Variants in PLCB1 observed in about 807,000 individuals in gnomAD.
PLCB1 encodes phospholipase C beta 1.
Under a neutral mutation model 161.8 loss-of-function variants are expected in PLCB1, and 46 were observed. The ratio of observed to expected loss-of-function variants is 0.28; its 90% CI spans 0.22 to 0.36. PLCB1 has a LOEUF of 0.36. PLCB1 is among the 10% of genes least tolerant of loss of function. PLCB1 has a pLI of 1.00. For synonymous variants in PLCB1, 517 were observed against 503.7 expected (o/e 1.03, Z -0.35); for missense variants, 1,016 against 1,472.5 (o/e 0.69, Z 5.07).
intron 4 of PLCB1, 50 bp from the exon 5 acceptor site, chr20:8,646,051 TA>T (rs758235993): frequency 2.9e-5 from 34 of 1,186,212 alleles, no homozygotes; most frequent in Non-Finnish European, 4.3e-5. Flanking sequence ...AGCATGTGTC[TA>T]ATGACTGTGC....
chr20:8,595,663 G>A (rs1441600589), intron 3 of PLCB1, among the ~76,000 whole-genome samples: 1 of 150,462 alleles, frequency 6.6e-6, no homozygotes, highest in African/African-American at 2.4e-5. Context: ...CTAGATCCCT[G>A]AGGAGTCGCC....
chr20:8,685,843 A>G (rs1425033804), intron 10 of PLCB1, among the ~76,000 whole-genome samples: 1 of 152,210 alleles, frequency 6.6e-6, no homozygotes. Flanking sequence ...TTTATTGTAA[A>G]TATTATAATA....
chr20:8,626,462 T>G (rs1458357335), intron 3 of PLCB1, among the ~76,000 whole-genome samples: 2 of 152,108 alleles, frequency 1.3e-5, no homozygotes, highest in Non-Finnish European at 2.9e-5. Flanking sequence ...TTTATCAAGT[T>G]TTGAGCAAAA....
intron 4 of PLCB1, among the ~76,000 whole-genome samples, chr20:8,636,937 A>G (rs537535420): frequency 3.4e-4 from 52 of 151,136 alleles, no homozygotes; most frequent in Admixed American, 2.8e-3. Flanking sequence ...TCTTCTGCAT[A>G]CCTCCATCTG....
At chr20:8,735,539 A>G (rs1282141185) in intron 19 of PLCB1, among the ~76,000 whole-genome samples, 1 of 152,220 alleles carries the variant, frequency 6.6e-6, no homozygotes, top group Non-Finnish European at 1.5e-5. Flanking sequence ...CATAGATTTT[A>G]TAATGCCAGA....
intron 8 of PLCB1, among the ~76,000 whole-genome samples, chr20:8,657,535 G>C (rs906494018): frequency 3.3e-5 from 5 of 152,148 alleles, no homozygotes; most frequent in South Asian, 2.1e-4. Flanking sequence ...AGATAACTTT[G>C]TATGGTTGAA....
chr20:8,162,813 G>T (rs1233221707), intron 2 of PLCB1, among the ~76,000 whole-genome samples: 1 of 152,168 alleles, frequency 6.6e-6, no homozygotes, highest in Non-Finnish European at 1.5e-5. Context: ...TATACATAAT[G>T]GATTCTATTT....
intron 2 of PLCB1, among the ~76,000 whole-genome samples, chr20:8,158,401 G>A (rs1370787796): frequency 1.3e-5 from 2 of 152,094 alleles, no homozygotes; most frequent in Admixed American, 6.5e-5. Flanking sequence ...AGACATACCT[G>A]AGACTGGGCA....
chr20:8,629,210 A>C (rs887423349), intron 4 of PLCB1, among the ~76,000 whole-genome samples: 2 of 152,174 alleles, frequency 1.3e-5, no homozygotes, highest in Non-Finnish European at 2.9e-5. Context: ...TAGACTAATG[A>C]AAAACTAACA....
At chr20:8,777,925 C>A (rs1186825485) in intron 27 of PLCB1, among the ~76,000 whole-genome samples, 1 of 152,006 alleles carries the variant, frequency 6.6e-6, no homozygotes, top group African/African-American at 2.4e-5. Flanking sequence ...TGTGCAGGGA[C>A]ATTTCTCTTT....
intron 3 of PLCB1, among the ~76,000 whole-genome samples, chr20:8,440,002 G>A (rs2122608333): frequency 6.6e-6 from 1 of 152,178 alleles, no homozygotes; most frequent in Middle Eastern, 3.4e-3. Context: ...GGTACATAAG[G>A]CAGTTATACA....
chr20:8,829,640 A>G (rs1985886553), intron 31 of PLCB1, among the ~76,000 whole-genome samples: 1 of 152,210 alleles, frequency 6.6e-6, no homozygotes, highest in Non-Finnish European at 1.5e-5. Flanking sequence ...TTTTCTAGCC[A>G]AAGGGAGCTA....
At chr20:8,865,908 G>A (rs1987413297) in intron 31 of PLCB1, among the ~76,000 whole-genome samples, 1 of 152,124 alleles carries the variant, frequency 6.6e-6, no homozygotes, top group South Asian at 2.1e-4. Context: ...CTGCAATGTA[G>A]ACCAAAATAC....
Position 8,463,269 on chromosome 20 carries a change from GAAT to G in PLCB1, c.246+91828_246+91830del, listed in dbSNP as rs375071494. On this transcript the variant is annotated intron_variant, in intron 3 of 31. Transcript: ENST00000338037. ...TTATAATGCCTCTCAAAGATTCAAA[GAAT>G]AATAATAAAATAAGCAGCTTTCCCT... 6.6e-3 allele frequency among the ~76,000 whole-genome samples: 995 copies of G among 151,436 alleles called. 10 individuals are homozygous for G. Among genetic ancestry groups the G allele is most frequent in the African/African-American group, 0.022 (925 of 41,256 alleles).
intron 31 of PLCB1, among the ~76,000 whole-genome samples, chr20:8,873,876 T>A (rs908028964): frequency 6.6e-6 from 1 of 152,080 alleles, no homozygotes; most frequent in African/African-American, 2.4e-5. Flanking sequence ...GTTTTACTAT[T>A]TTCCCTGATC....
chr20:8,858,297 G>T (rs1000769606), intron 31 of PLCB1, among the ~76,000 whole-genome samples: 2 of 152,102 alleles, frequency 1.3e-5, no homozygotes, highest in African/African-American at 4.8e-5. Context: ...AAATATTTAG[G>T]TATGGACTTG....
intron 3 of PLCB1, among the ~76,000 whole-genome samples, chr20:8,561,325 C>A (rs1986132878): frequency 6.6e-6 from 1 of 151,860 alleles, no homozygotes; most frequent in Admixed American, 6.6e-5. Context: ...TAATTATGAA[C>A]CGTATAACTA....
intron 9 of PLCB1, among the ~76,000 whole-genome samples, chr20:8,682,037 C>T (rs1005403273): frequency 1.3e-5 from 2 of 152,040 alleles, no homozygotes; most frequent in African/African-American, 2.4e-5. Flanking sequence ...TTCTATTAGA[C>T]GGTGAGCTCT....
At chr20:8,559,260 C>G (rs1222662558) in intron 3 of PLCB1, among the ~76,000 whole-genome samples, 2 of 151,778 alleles carry the variant, frequency 1.3e-5, no homozygotes, top group Non-Finnish European at 2.9e-5. Context: ...GGTGTTAAAT[C>G]AAGCCAGATT....
Sources: gnomAD v4.1 joint callset for allele counts (sites outside exome capture counted in the v4.1 genomes callset) on GRCh38, gnomAD v4.1.1 for gene constraint, MANE v1.5 for transcripts, NCBI Gene and HGNC (gene_info 2026-07-23, HGNC 2026-07-21) for gene names.